Variants in HHIP observed in about 807,000 individuals in gnomAD.
The protein encoded by HHIP is hedgehog-interacting protein.
In HHIP, 12 loss-of-function variants were observed where a neutral mutation model predicts 74.0. The observed-to-expected ratio is 0.16, with a 90% CI of 0.10 to 0.26. The LOEUF is 0.26. HHIP is among the 10% of genes least tolerant of loss of function. The probability of loss-of-function intolerance (pLI) is 1.00; values close to 1 mark genes in which losing one functional copy is unlikely to be tolerated. For synonymous variants in HHIP, 309 were observed against 311.6 expected (o/e 0.99, Z 0.09); for missense variants, 788 against 845.0 (o/e 0.93, Z 0.84).
chr4:144,700,016 T>C (rs1162954276), intron 4 of HHIP, among the ~76,000 whole-genome samples: 2 of 152,222 alleles, frequency 1.3e-5, no homozygotes, highest in African/African-American at 2.4e-5. Context: ...AAATGGTTTA[T>C]ATATATTTAA....
At chr4:144,711,841 T>G in intron 7 of HHIP, 109 bp from the exon 8 acceptor site, 1 of 1,023,900 alleles carries the variant, frequency 9.8e-7, no homozygotes, top group African/African-American at 1.6e-5. Flanking sequence ...TAAATTGCCA[T>G]AGGATCCTTG....
At chr4:144,662,211 T>C (rs1728734451) in intron 4 of HHIP, among the ~76,000 whole-genome samples, 1 of 152,216 alleles carries the variant, frequency 6.6e-6, no homozygotes, top group South Asian at 2.1e-4. Context: ...GCTGACCTTT[T>C]TTAAGGCCAA....
In HHIP at chr4:144,689,590, A is replaced by C. The variant is rs148782484; in HGVS notation, c.832-16941A>C. ...ATAATTACTTTTGATTTTTGCCTGGAGCACTGCTTGGATTAGTCTACAACT... is the reference window on the plus strand; with the variant it reads ...ATAATTACTTTTGATTTTTGCCTGGCGCACTGCTTGGATTAGTCTACAACT... On this transcript the variant is annotated intron_variant, in intron 4 of 12. Coordinates refer to ENST00000296575, the MANE Select transcript of HHIP (RefSeq NM_022475.3). Among the ~76,000 whole-genome samples the C allele has an allele frequency of 4.2e-3, 647 of 152,300 alleles. 6 individuals are homozygous for C. Among genetic ancestry groups the C allele is most frequent in the African/African-American group, 0.015 (609 of 41,572 alleles).
intron 4 of HHIP, among the ~76,000 whole-genome samples, chr4:144,663,793 G>GT (rs1224617388): frequency 6.6e-6 from 1 of 152,092 alleles, no homozygotes; most frequent in African/African-American, 2.4e-5. Flanking sequence ...AATTGCTATT[G>GT]TTCCTGTTCT....
chr4:144,741,018 C>T lies in HHIP; in HGVS notation c.*3061C>T, dbSNP rs149740560. 5 of 152,140 alleles carry T rather than the reference C, an allele frequency of 3.3e-5. No homozygotes were observed. Among genetic ancestry groups the T allele is most frequent in the African/African-American group, 1.2e-4 (5 of 41,498 alleles). The allele number at this position is 152,140 out of a possible 1,614,324, so 9.4% of individuals were successfully genotyped here. A position where few individuals can be genotyped will look rare whatever the true frequency, so the allele number is the denominator to read the frequency against. On this transcript the variant is annotated 3_prime_UTR_variant, in exon 13 of 13. Coordinates refer to ENST00000296575, the MANE Select transcript of HHIP (RefSeq NM_022475.3). Reference sequence around the variant, plus strand: ...CAGTTATTTAAGGTAATAAAAGGAACACAATTTGGCAGATCTTTAAGTGAA... The same window carrying T: ...CAGTTATTTAAGGTAATAAAAGGAATACAATTTGGCAGATCTTTAAGTGAA...
intron 4 of HHIP, among the ~76,000 whole-genome samples, chr4:144,670,780 A>G (rs1399615607): frequency 6.6e-6 from 1 of 150,514 alleles, no homozygotes; most frequent in Non-Finnish European, 1.5e-5. Flanking sequence ...AAAAAAAAAA[A>G]AAAAAAAAGA....
At chr4:144,690,504 T>C (rs1729621934) in intron 4 of HHIP, among the ~76,000 whole-genome samples, 1 of 152,068 alleles carries the variant, frequency 6.6e-6, no homozygotes, top group African/African-American at 2.4e-5. Flanking sequence ...AGAAACTAGA[T>C]GGGAACGATC....
At chr4:144,669,018 A>T (rs1158085484) in intron 4 of HHIP, among the ~76,000 whole-genome samples, 2 of 150,112 alleles carry the variant, frequency 1.3e-5, no homozygotes, top group Non-Finnish European at 3.0e-5. Flanking sequence ...TTTATTTTAT[A>T]TAATATATAA....
intron 4 of HHIP, among the ~76,000 whole-genome samples, chr4:144,703,729 C>T (rs55845084): frequency 0.022 from 3,418 of 152,146 alleles, 132 homozygotes; most frequent in African/African-American, 0.078. Context: ...TGGCCAGTCC[C>T]GGCTCCAGGC....
At position 144,668,307 on chromosome 4, in the gene HHIP, C is replaced by T. The variant is rs549113939; in HGVS notation, c.831+8469C>T. On this transcript the variant is annotated intron_variant, in intron 4 of 12. Transcript: ENST00000296575. ...ACTGCACTCGAGCCCGGGTGACAGT[C>T]AGATTCCATCTCAAAAAAAAAAAGC... Among the ~76,000 whole-genome samples the T allele has an allele frequency of 1.1e-3, 163 of 150,386 alleles. 3 individuals carry two copies. Among genetic ancestry groups the T allele is most frequent in the African/African-American group, 3.8e-3 (157 of 40,794 alleles).
chr4:144,732,111 T>C (rs552463171), intron 11 of HHIP, among the ~76,000 whole-genome samples: 3 of 152,222 alleles, frequency 2.0e-5, no homozygotes, highest in Non-Finnish European at 2.9e-5. Flanking sequence ...AATAGATAAA[T>C]AGCCTATTCC....
intron 4 of HHIP, among the ~76,000 whole-genome samples, chr4:144,671,331 T>C (rs1236278862): frequency 6.6e-6 from 1 of 151,638 alleles, no homozygotes; most frequent in South Asian, 2.1e-4. Context: ...TTTTTTTTTT[T>C]TCTTAAGATT....
At chr4:144,707,653 A>AAAAAAAAAAAAAAAAAAAAAC (rs1414901796) in intron 6 of HHIP, among the ~76,000 whole-genome samples, 1 of 150,940 alleles carries the variant, frequency 6.6e-6, no homozygotes, top group Admixed American at 6.6e-5. Flanking sequence ...AGGCAAAAAA[A>AAAAAAAAAAAAAAAAAAAAAC]AAAAAGCAGT....
At chr4:144,707,646 C>CAAAAAA (rs6148709) in intron 6 of HHIP, among the ~76,000 whole-genome samples, 2 of 57,168 alleles carry the variant, frequency 3.5e-5, no homozygotes, top group Admixed American at 3.2e-4. Context: ...AGAACAGAGG[C>CAAAAAA]AAAAAAAAAA....
chr4:144,735,801 T>C (rs1396754514), intron 12 of HHIP, among the ~76,000 whole-genome samples: 2 of 152,182 alleles, frequency 1.3e-5, no homozygotes. Context: ...ACTTGTCTAT[T>C]TTTATATTGC....
chr4:144,706,676 T>C lies in HHIP; in HGVS notation c.977T>C (p.Val326Ala). 6.3e-7 allele frequency: 1 copy of C among 1,598,636 alleles called. No homozygotes were observed. Among genetic ancestry groups the C allele is most frequent in the Non-Finnish European group, 8.5e-7 (1 of 1,176,030 alleles). Reference sequence around the variant, plus strand: ...ATTCTTAGGGTTGTGGAATACACAGTATCCAGGTATCACTAAAAGGCATCG... The same window carrying C: ...ATTCTTAGGGTTGTGGAATACACAGCATCCAGGTATCACTAAAAGGCATCG... ...DHILRVVEYT[V>A]SRKNPHQVDL... The change falls in exon 5 of 13, where the codon GTA becomes GCA. Residue 326 changes from valine (V) to alanine (A), a missense_variant. By Grantham distance (64) the Val-to-Ala change is moderately conservative (BLOSUM62 0). Coordinates refer to ENST00000296575, the MANE Select transcript of HHIP (RefSeq NM_022475.3).
intron 4 of HHIP, chr4:144,661,305 T>C (rs1728707722): frequency 6.6e-6 from 1 of 152,208 alleles, no homozygotes; most frequent in South Asian, 2.1e-4. Context: ...TTCTGCAGTC[T>C]TCCAGGAATT....
rs1174297815 is a variant in HHIP at position 144,684,232 on chromosome 4, A to ATTT, written c.832-22257_832-22255dup. ...ATGAAAAATACAAAAAAAAAAAAGAATTTTTTTTTTTTTTTTTTTTTTTTT... is the reference window on the plus strand; with the variant it reads ...ATGAAAAATACAAAAAAAAAAAAGAATTTTTTTTTTTTTTTTTTTTTTTTTTTT... On this transcript the variant is annotated intron_variant, in intron 4 of 12. Coordinates refer to ENST00000296575, the MANE Select transcript of HHIP (RefSeq NM_022475.3). 9.0e-4 allele frequency among the ~76,000 whole-genome samples: 57 copies of ATTT among 63,008 alleles called. 9 individuals are homozygous for ATTT. Among genetic ancestry groups the ATTT allele is most frequent in the East Asian group, 1.4e-3 (3 of 2,132 alleles). 41.3% of individuals were successfully genotyped at this position (63,008 alleles called of 152,430 possible).
At chr4:144,708,361 C>G (rs201366425) in intron 7 of HHIP, 50 bp downstream of exon 7, 64 of 1,598,470 alleles carry the variant, frequency 4.0e-5, no homozygotes, top group Non-Finnish European at 5.3e-5. Context: ...AGGCGGGGAT[C>G]CGAGAACTGG....
Sources: allele counts gnomAD v4.1 joint callset (sites outside exome capture counted in the v4.1 genomes callset), GRCh38; gene constraint gnomAD v4.1.1; transcripts MANE v1.5; gene names NCBI Gene and HGNC (gene_info 2026-07-23, HGNC 2026-07-21).